CHST1: variants seen among roughly 807,000 people sequenced by gnomAD.
CHST1 encodes Keratan sulfotransferase.
A neutral mutation model predicts 22.5 loss-of-function variants in CHST1; 10 were observed. The ratio of observed to expected loss-of-function variants is 0.44; its 90% CI spans 0.27 to 0.75. The LOEUF (loss-of-function observed/expected upper bound fraction) is 0.75, where lower values mean the gene tolerates loss of function less well. Among genes scored for constraint, CHST1 ranks in the 30% least tolerant of loss-of-function variants. The pLI is 0.15. For missense variants in CHST1, 439 were observed against 576.1 expected, an observed-to-expected ratio of 0.76 and a Z score of 2.44; for synonymous variants, 267 against 264.5, an observed-to-expected ratio of 1.01 and a Z score of -0.09.
chr11:45,653,349 A>G (rs1208764885), intron 1 of CHST1, among the ~76,000 whole-genome samples: 1 of 152,182 alleles, frequency 6.6e-6, no homozygotes, highest in African/African-American at 2.4e-5. Flanking sequence ...ACCAAGTAGC[A>G]GTCAAGAGGG....
chr11:45,651,080 T>G, intron 3 of CHST1, 115 bp from the exon 4 acceptor site: 1 of 687,454 alleles, frequency 1.5e-6, no homozygotes, highest in Non-Finnish European at 2.3e-6. Context: ...TGTCCAGTGC[T>G]CACCACACAC....
chr11:45,665,331 CCTCCCTCCT>C lies in CHST1; in HGVS notation c.-389_-381del, dbSNP rs1852186243. The C allele has an allele frequency of 6.6e-6, 1 of 151,976 alleles. No homozygotes were observed. The highest frequency in any genetic ancestry group is 1.5e-5 in the Non-Finnish European group (1 of 68,042). The allele number at this position is 151,976 out of a possible 1,614,324, so 9.4% of individuals were successfully genotyped here. A position where few individuals can be genotyped will look rare whatever the true frequency, so the allele number is the denominator to read the frequency against. On this transcript the variant is annotated 5_prime_UTR_variant, in exon 1 of 4. Coordinates refer to ENST00000308064, the MANE Select transcript of CHST1 (RefSeq NM_003654.6). This position sits in a 1 kb window ranked among gnomAD's most constrained non-coding sequence, Gnocchi z 4.0. ...CCGCGCCCTCCTCCTCGGCCTCCCT[CCTCCCTCCT>C]CTTCCTCCGACTCCGCGCGCGCCTC...
At position 45,655,057 on chromosome 11, in the gene CHST1, A is replaced by G. The variant is rs34121299; in HGVS notation, c.-226-2451T>C. On this transcript the variant is annotated intron_variant, in intron 1 of 3. Coordinates refer to ENST00000308064, the MANE Select transcript of CHST1 (RefSeq NM_003654.6). Reference sequence around the variant, plus strand: ...CATTTAGTCAATGCCAGGCATATAGACCCAACCCAGCCTCTGACACCAGCC... The same window carrying G: ...CATTTAGTCAATGCCAGGCATATAGGCCCAACCCAGCCTCTGACACCAGCC... Among the ~76,000 whole-genome samples, 589 of 152,040 alleles carry G rather than the reference A, an allele frequency of 3.9e-3. 1 individual carries two copies. Among genetic ancestry groups the G allele is most frequent in the Non-Finnish European group, 6.1e-3 (414 of 67,942 alleles).
rs775570884 is a variant in CHST1 at position 45,649,658 on chromosome 11, C to A, written c.*30G>T. The A allele has an allele frequency of 1.4e-5, 21 of 1,513,040 alleles. No homozygotes were observed. Among genetic ancestry groups the A allele is most frequent in the Admixed American group, 8.7e-5 (4 of 45,820 alleles). 93.7% of individuals were successfully genotyped at this position (1,513,040 alleles called of 1,614,324 possible). A position where few individuals can be genotyped will look rare whatever the true frequency, so the allele number is the denominator to read the frequency against. On this transcript the variant is annotated 3_prime_UTR_variant, in exon 4 of 4. Transcript: ENST00000308064. ...CCATTTTATCAAAACCGACACCTTG[C>A]GCCTCCCGCCCCCACCCGCACCGCC...
chr11:45,656,696 C>T (rs1852065947), intron 1 of CHST1, among the ~76,000 whole-genome samples: 1 of 152,048 alleles, frequency 6.6e-6, no homozygotes, highest in Non-Finnish European at 1.5e-5. Context: ...AAAATCAGCC[C>T]TGGCATCTCA....
At position 45,650,215 on chromosome 11, in the gene CHST1, G is replaced by A. The variant is rs1208095218; in HGVS notation, c.709C>T (p.Arg237Cys). The A allele has an allele frequency of 2.5e-6, 4 of 1,610,254 alleles. No individual in the cohort carries two copies. The highest frequency in any genetic ancestry group is 1.3e-5 in the African/African-American group (1 of 74,930). ...LKVIQLVRDP[R>C]GILASRSETF... Reference sequence around the variant, plus strand: ...TCGCTGCGCGAAGCCAGAATGCCGCGGGGGTCTCGGACCAGCTGGATGACC... The same window carrying A: ...TCGCTGCGCGAAGCCAGAATGCCGCAGGGGTCTCGGACCAGCTGGATGACC... Residue 237 changes from arginine (R) to cysteine (C), a missense_variant, in exon 4 of 4, where the codon CGC becomes TGC. Coordinates refer to ENST00000308064, the MANE Select transcript of CHST1 (RefSeq NM_003654.6).
In CHST1 at chr11:45,650,345, C is replaced by T. The variant is rs753820223; in HGVS notation, c.579G>A (p.Ala193=). ...GGCTGCGCTCGCGGCACGCCTCGGC[C>T]GCCACGGTCAGGTTGAGTAGCCCGC... ...RKCGLLNLTV[A]AEACRERSHV... is the part of the protein sequence containing the mutation. Residue 193 remains alanine (A), a synonymous_variant, in exon 4 of 4, where the codon GCG becomes GCA. Coordinates refer to ENST00000308064, the MANE Select transcript of CHST1 (RefSeq NM_003654.6). 2 of 1,603,340 alleles carry T rather than the reference C, an allele frequency of 1.2e-6. No individual in the cohort carries two copies. The highest frequency in any genetic ancestry group is 4.5e-5 in the East Asian group (2 of 44,866).
chr11:45,655,847 A>AC (rs1852055734), intron 1 of CHST1, among the ~76,000 whole-genome samples: 2 of 152,180 alleles, frequency 1.3e-5, no homozygotes, highest in Admixed American at 1.3e-4. Context: ...CCCAGTTCTA[A>AC]CCCTGGTGTT....
chr11:45,657,122 G>A (rs977498933), intron 1 of CHST1, among the ~76,000 whole-genome samples: 9 of 152,200 alleles, frequency 5.9e-5, no homozygotes, highest in African/African-American at 2.2e-4. Context: ...CAAGGGACAA[G>A]GGAATGGGAC....
chr11:45,652,953 A>T (rs1164834291), intron 1 of CHST1, among the ~76,000 whole-genome samples: 1 of 152,258 alleles, frequency 6.6e-6, no homozygotes, highest in African/African-American at 2.4e-5. Context: ...GCAAACATGC[A>T]TGCCATTACT....
At chr11:45,664,364 A>G (rs1427008548) in intron 1 of CHST1, among the ~76,000 whole-genome samples, 2 of 152,158 alleles carry the variant, frequency 1.3e-5, no homozygotes, top group Non-Finnish European at 2.9e-5. Flanking sequence ...ACCAAGAGGA[A>G]GCCGGCCCCA....
At chr11:45,659,818 A>G (rs1852107008) in intron 1 of CHST1, among the ~76,000 whole-genome samples, 1 of 152,212 alleles carries the variant, frequency 6.6e-6, no homozygotes, top group African/African-American at 2.4e-5. Flanking sequence ...TGTCTTTATT[A>G]CCATCTGGCC....
intron 1 of CHST1, among the ~76,000 whole-genome samples, chr11:45,652,872 C>T (rs1422361736): frequency 6.6e-6 from 1 of 152,162 alleles, no homozygotes; most frequent in African/African-American, 2.4e-5. Flanking sequence ...CTGGTAGGTT[C>T]CCCAGAGTCC....
exon 1 of CHST1, chr11:45,665,600 CAGCGGCGGCTACAGCTCCGAGCG>C (rs1852190807): frequency 6.6e-6 from 1 of 151,760 alleles, no homozygotes; most frequent in Admixed American, 6.6e-5. This position sits in a 1 kb window ranked among gnomAD's most constrained non-coding sequence, Gnocchi z 4.0. Flanking sequence ...GCAGCGGCGG[CAGCGGCGGCTACAGCTCCGAGCG>C]AGCGGCAGGC....
chr11:45,650,180 G>A lies in CHST1; in HGVS notation c.744C>T (p.Arg248=). 1.2e-6 allele frequency: 2 copies of A among 1,612,898 alleles called. No homozygotes were observed. The highest frequency in any genetic ancestry group is 1.1e-5 in the South Asian group (1 of 91,086). The part of the protein sequence containing the change: ...GILASRSETF[R]DTYRLWRLWY... The stretch of plus-strand genomic sequence containing the variant: ...AGAGCCGCCAGAGCCGGTACGTGTC[G>A]CGGAAGGTCTCGCTGCGCGAAGCCA... Residue 248 remains arginine (R), a synonymous_variant, in exon 4 of 4, where the codon CGC becomes CGT. Coordinates refer to ENST00000308064, the MANE Select transcript of CHST1 (RefSeq NM_003654.6).
intron 1 of CHST1, among the ~76,000 whole-genome samples, chr11:45,657,820 G>T (rs1177788220): frequency 1.3e-5 from 2 of 152,126 alleles, no homozygotes; most frequent in Non-Finnish European, 2.9e-5. Flanking sequence ...CCAGAACCTG[G>T]ACCACCACAA....
intron 1 of CHST1, among the ~76,000 whole-genome samples, chr11:45,664,792 G>T (rs528093643): frequency 6.6e-5 from 10 of 152,284 alleles, no homozygotes; most frequent in African/African-American, 2.2e-4. Flanking sequence ...GTGCGGGCGC[G>T]GGGACCTCAG....
chr11:45,649,504 C>G lies in CHST1; in HGVS notation c.*184G>C. On this transcript the variant is annotated 3_prime_UTR_variant, in exon 4 of 4. Coordinates refer to ENST00000308064, the MANE Select transcript of CHST1 (RefSeq NM_003654.6). ...AGGCGCCCTCTGCCCCAGTGATTCCCGTCCAAGACGTAGTGCAAATTTCAG... is the reference window on the plus strand; with the variant it reads ...AGGCGCCCTCTGCCCCAGTGATTCCGGTCCAAGACGTAGTGCAAATTTCAG... 1.6e-6 allele frequency: 1 copy of G among 636,166 alleles called. No homozygotes were observed. Among genetic ancestry groups the G allele is most frequent in the Non-Finnish European group, 2.6e-6 (1 of 380,632 alleles). 39.4% of individuals were successfully genotyped at this position (636,166 alleles called of 1,614,324 possible).
intron 1 of CHST1, among the ~76,000 whole-genome samples, chr11:45,658,302 G>A (rs1007759154): frequency 1.3e-5 from 2 of 152,230 alleles, no homozygotes; most frequent in African/African-American, 2.4e-5. Context: ...ACAGAAGGCC[G>A]ATGGATGCCC....
Sources: allele counts gnomAD v4.1 joint callset (sites outside exome capture counted in the v4.1 genomes callset), GRCh38; gene constraint gnomAD v4.1.1; non-coding constraint Gnocchi (gnomAD v3.1); transcripts MANE v1.5; gene names NCBI Gene and HGNC (gene_info 2026-07-23, HGNC 2026-07-21).